Variants in EMSY observed in about 807,000 individuals in gnomAD.
The protein encoded by EMSY is EMSY transcriptional repressor, BRCA2 interacting.
In EMSY, 26 loss-of-function variants were observed where a neutral mutation model predicts 134.6. The ratio of observed to expected loss-of-function variants is 0.19; its 90% CI spans 0.14 to 0.27. The LOEUF (loss-of-function observed/expected upper bound fraction) is 0.27, where lower values mean the gene tolerates loss of function less well. Among genes scored for constraint, EMSY ranks in the 10% least tolerant of loss-of-function variants. EMSY has a pLI of 1.00. For missense variants in EMSY, 1,305 were observed against 1,611.4 expected (o/e 0.81, Z 3.26); for synonymous variants, 579 against 577.8 (o/e 1.00, Z -0.03).
chr11:76,476,050 G>GA (rs1491226110), intron 8 of EMSY, among the ~76,000 whole-genome samples: 2 of 152,180 alleles, frequency 1.3e-5, no homozygotes, highest in African/African-American at 4.8e-5. Context: ...TAATTTTTCT[G>GA]AGAGTTTCCC....
intron 19 of EMSY, among the ~76,000 whole-genome samples, chr11:76,545,506 T>A (rs1951610876): frequency 1.3e-5 from 2 of 152,200 alleles, no homozygotes; most frequent in Admixed American, 6.5e-5. Context: ...AGGTGTACTG[T>A]TTAGGGCTGT....
intron 11 of EMSY, among the ~76,000 whole-genome samples, chr11:76,519,790 G>T (rs1950580985): frequency 6.6e-6 from 1 of 152,080 alleles, no homozygotes; most frequent in Non-Finnish European, 1.5e-5. Context: ...AGAATGCCTG[G>T]AATGCATCAA....
chr11:76,506,113 T>G (rs1368892491), intron 9 of EMSY, among the ~76,000 whole-genome samples: 1 of 152,082 alleles, frequency 6.6e-6, no homozygotes, highest in African/African-American at 2.4e-5. Context: ...GAGCGAGACC[T>G]TGTCTCTAAA....
intron 9 of EMSY, among the ~76,000 whole-genome samples, chr11:76,513,092 G>A (rs1950334179): frequency 6.6e-6 from 1 of 152,148 alleles, no homozygotes; most frequent in Admixed American, 6.5e-5. Flanking sequence ...GTAAAGTCAA[G>A]TCCAGTGGAT....
At chr11:76,545,827 T>C in exon 20 of EMSY, 3 of 1,612,542 alleles carry the variant, frequency 1.9e-6, no homozygotes, top group Non-Finnish European at 2.5e-6. Flanking sequence ...CCAAGGATCC[T>C]CTGTTACAAA....
chr11:76,550,398 G>A (rs1177894053), exon 21 of EMSY: 1 of 290,278 alleles, frequency 3.4e-6, no homozygotes, highest in Non-Finnish European at 6.3e-6. Flanking sequence ...CTTAAGACCT[G>A]GTCTTCTTTC....
intron 17 of EMSY, among the ~76,000 whole-genome samples, chr11:76,541,383 G>A (rs1951434659): frequency 6.6e-6 from 1 of 152,140 alleles, no homozygotes; most frequent in African/African-American, 2.4e-5. Context: ...TGAGATGATA[G>A]AACAGATTTT....
chr11:76,501,802 T>C (rs1949869016), intron 9 of EMSY, among the ~76,000 whole-genome samples: 1 of 152,058 alleles, frequency 6.6e-6, no homozygotes, highest in African/African-American at 2.4e-5. Flanking sequence ...CTTTTCCAAA[T>C]TTATTGAAAA....
At chr11:76,489,608 C>CTT (rs58914353) in intron 8 of EMSY, among the ~76,000 whole-genome samples, 1,650 of 141,552 alleles carry the variant, frequency 0.012, 30 homozygotes, top group Middle Eastern at 0.033. Context: ...CTTGATGTAT[C>CTT]TTTTTTTTTT....
chr11:76,451,622 GT>G (rs1264093503), intron 2 of EMSY, among the ~76,000 whole-genome samples: 1 of 152,102 alleles, frequency 6.6e-6, no homozygotes. Context: ...AATATCTACT[GT>G]TAGATTTTTC....
chr11:76,542,307 G>A (rs771012036), exon 18 of EMSY: 20 of 1,613,922 alleles, frequency 1.2e-5, no homozygotes, highest in South Asian at 5.5e-5. Flanking sequence ...CACAGACTTC[G>A]GTGGTGGTGA....
At chr11:76,467,102 G>A (rs1230690909) in intron 7 of EMSY, among the ~76,000 whole-genome samples, 1 of 152,098 alleles carries the variant, frequency 6.6e-6, no homozygotes, top group African/African-American at 2.4e-5. Context: ...GACTTCTTAA[G>A]TTTTATACTG....
chr11:76,446,756 G>A (rs1947429806), intron 1 of EMSY, 144 bp from the exon 2 acceptor site: 1 of 539,386 alleles, frequency 1.9e-6, no homozygotes, highest in Admixed American at 3.6e-5. Flanking sequence ...TCAAAAGTTG[G>A]AAAGTGTGGT....
At chr11:76,478,637 G>A (rs1280710514) in intron 8 of EMSY, among the ~76,000 whole-genome samples, 2 of 151,676 alleles carry the variant, frequency 1.3e-5, no homozygotes, top group African/African-American at 2.4e-5. Context: ...CACCGCGCCC[G>A]GCCGTGAATA....
At chr11:76,460,153 C>T (rs535564919) in intron 6 of EMSY, 68 bp downstream of exon 7, 16 of 1,533,400 alleles carry the variant, frequency 1.0e-5, no homozygotes, top group Non-Finnish European at 1.3e-5. Context: ...TCTGATTAGA[C>T]CTGCCTTCCT....
At chr11:76,511,051 G>T (rs955401125) in intron 9 of EMSY, among the ~76,000 whole-genome samples, 1 of 152,112 alleles carries the variant, frequency 6.6e-6, no homozygotes, top group African/African-American at 2.4e-5. Flanking sequence ...TGGGTTAGGG[G>T]GCCAGCAGAG....
At chr11:76,463,925 C>G (rs1192661369) in exon 7 of EMSY, 2 of 1,614,186 alleles carry the variant, frequency 1.2e-6, no homozygotes, top group Non-Finnish European at 1.7e-6. Context: ...GGCCGTTGTT[C>G]CAGTCTCAAA....
At chr11:76,525,184 A>C (rs1356845416) in intron 12 of EMSY, among the ~76,000 whole-genome samples, 2 of 152,210 alleles carry the variant, frequency 1.3e-5, no homozygotes, top group African/African-American at 4.8e-5. Flanking sequence ...TGAGCTATTT[A>C]ATAGATAGGT....
chr11:76,544,106 T>G (rs1194263338), intron 18 of EMSY, among the ~76,000 whole-genome samples, 153 bp from the exon 20 acceptor site: 1 of 152,222 alleles, frequency 6.6e-6, no homozygotes, highest in Non-Finnish European at 1.5e-5. Context: ...AAATTGCAAG[T>G]TGCAGTAGAA....
Sources: gnomAD v4.1 joint callset for allele counts (sites outside exome capture counted in the v4.1 genomes callset) on GRCh38, gnomAD v4.1.1 for gene constraint, MANE v1.5 for transcripts, NCBI Gene and HGNC (gene_info 2026-07-23, HGNC 2026-07-21) for gene names.